The following YWHAE variants were observed in gnomAD, a reference collection of about 807,000 sequenced individuals.
YWHAE encodes 14-3-3 protein epsilon.
Under a neutral mutation model 30.1 loss-of-function variants are expected in YWHAE, and 4 were observed. That is an observed-to-expected ratio of 0.13 (90% confidence interval 0.07 to 0.30). The LOEUF is 0.30. YWHAE is among the 10% of genes least tolerant of loss of function. The probability of loss-of-function intolerance (pLI) is 1.00; values close to 1 mark genes in which losing one functional copy is unlikely to be tolerated. For synonymous variants in YWHAE, 118 were observed against 111.8 expected, an observed-to-expected ratio of 1.06 and a Z score of -0.35; for missense variants, 121 against 315.9, an observed-to-expected ratio of 0.38 and a Z score of 4.68.
At chr17:1,377,168 C>A (rs868496655) in intron 1 of YWHAE, among the ~76,000 whole-genome samples, 1 of 152,046 alleles carries the variant, frequency 6.6e-6, no homozygotes, top group African/African-American at 2.4e-5. Flanking sequence ...CCTGCCTCGG[C>A]CTCCCTAGGT....
At chr17:1,347,394 G>C (rs2072542908) in intron 5 of YWHAE, among the ~76,000 whole-genome samples, 1 of 151,648 alleles carries the variant, frequency 6.6e-6, no homozygotes, top group Admixed American at 6.6e-5. Context: ...CAGCTACTTG[G>C]GGGGCTGAGG....
In YWHAE at chr17:1,394,436, C is replaced by CAAAAAAA. The variant is rs544115909; in HGVS notation, c.64+5604_64+5610dup. Among the ~76,000 whole-genome samples, 164 of 58,530 alleles carry CAAAAAAA rather than the reference C, an allele frequency of 2.8e-3. 4 individuals are homozygous for CAAAAAAA. The highest frequency in any genetic ancestry group is 0.011 in the African/African-American group (123 of 11,322). 38.4% of individuals were successfully genotyped at this position (58,530 alleles called of 152,430 possible). A position where few individuals can be genotyped will look rare whatever the true frequency, so the allele number is the denominator to read the frequency against. ...GGGCAACATAGAGACCTCAAATCCA[C>CAAAAAAA]AAAAAAAAAAAAAAAAAAAAAAAAA... is the stretch of plus-strand genomic sequence containing the variant. On this transcript the variant is annotated intron_variant, in intron 1 of 5. Transcript: ENST00000264335.
intron 1 of YWHAE, among the ~76,000 whole-genome samples, chr17:1,388,658 A>C (rs2073344492): frequency 6.9e-6 from 1 of 145,556 alleles, no homozygotes; most frequent in Admixed American, 7.0e-5. Flanking sequence ...ATGACCTCCC[A>C]CCTTGGCCTC....
intron 1 of YWHAE, among the ~76,000 whole-genome samples, chr17:1,381,891 C>A (rs543617269): frequency 8.4e-6 from 1 of 119,288 alleles, no homozygotes; most frequent in East Asian, 2.4e-4. Context: ...CCAGCCTGCA[C>A]GAGAGAGCGA....
At chr17:1,395,013 T>TA (rs1216294527) in intron 1 of YWHAE, among the ~76,000 whole-genome samples, 1 of 152,146 alleles carries the variant, frequency 6.6e-6, no homozygotes, top group African/African-American at 2.4e-5. Flanking sequence ...ATGCTTGTCA[T>TA]TACTGTTTGT....
In YWHAE at chr17:1,384,857, G is replaced by A. The variant is rs573336457; in HGVS notation, c.64+15190C>T. Among the ~76,000 whole-genome samples the A allele has an allele frequency of 1.9e-4, 29 of 152,136 alleles. No homozygotes were observed. The East Asian group carries it at 4.5e-3, about 23-fold the overall frequency. On this transcript the variant is annotated intron_variant, in intron 1 of 5. Transcript: ENST00000264335. Reference sequence around the variant, plus strand: ...GGAGTAGCTGGGATTAGAGGCATGCGCCACGAAGCCTGGCTAATTTTTTTT... The same window carrying A: ...GGAGTAGCTGGGATTAGAGGCATGCACCACGAAGCCTGGCTAATTTTTTTT...
chr17:1,392,383 T>C (rs1443651151), intron 1 of YWHAE, among the ~76,000 whole-genome samples: 2 of 151,986 alleles, frequency 1.3e-5, no homozygotes, highest in Admixed American at 6.6e-5. Context: ...CTCAAAAAAG[T>C]ATATGTATCT....
At position 1,393,135 on chromosome 17, in the gene YWHAE, AAAATAAATAAATAAAT is replaced by A. The variant is rs147882027; in HGVS notation, c.64+6896_64+6911del. Among the ~76,000 whole-genome samples the A allele has an allele frequency of 6.2e-4, 89 of 144,358 alleles. 1 individual carries two copies. The highest frequency in any genetic ancestry group is 3.5e-3 in the Middle Eastern group (1 of 286). The allele number at this position is 144,358 out of a possible 152,430, so 94.7% of individuals were successfully genotyped here. A position where few individuals can be genotyped will look rare whatever the true frequency, so the allele number is the denominator to read the frequency against. ...ACAGAGCAAGACTCCATCTCTCCAA[AAAATAAATAAATAAAT>A]AAATAAATAAATAAATAAATAAAAT... On this transcript the variant is annotated intron_variant, in intron 1 of 5. Coordinates refer to ENST00000264335, the MANE Select transcript of YWHAE (RefSeq NM_006761.5).
chr17:1,355,270 C>T (rs1353008439), intron 4 of YWHAE, among the ~76,000 whole-genome samples: 2 of 146,786 alleles, frequency 1.4e-5, no homozygotes, highest in Non-Finnish European at 3.0e-5. Flanking sequence ...CATTATCCTG[C>T]CTCAGCCTCC....
chr17:1,352,820 C>A (rs956143778), intron 5 of YWHAE, among the ~76,000 whole-genome samples: 1 of 152,136 alleles, frequency 6.6e-6, no homozygotes, highest in African/African-American at 2.4e-5. Context: ...CCACCGCGCC[C>A]GGCACAGCCT....
intron 4 of YWHAE, among the ~76,000 whole-genome samples, chr17:1,360,889 C>A (rs1459875878): frequency 6.6e-6 from 1 of 152,150 alleles, no homozygotes; most frequent in African/African-American, 2.4e-5. Flanking sequence ...AAATATCCCA[C>A]ATCAAAATAA....
intron 1 of YWHAE, among the ~76,000 whole-genome samples, chr17:1,398,338 C>CCCT (rs1555648148): frequency 7.5e-5 from 7 of 93,912 alleles, no homozygotes; most frequent in Admixed American, 1.3e-4. Context: ...ATCTTATCCC[C>CCCT]CCCCCCAACA....
chr17:1,369,040 ACACT>A (rs760399939), intron 1 of YWHAE, among the ~76,000 whole-genome samples: 1 of 152,214 alleles, frequency 6.6e-6, no homozygotes, highest in Non-Finnish European at 1.5e-5. Context: ...TATATTTGTA[ACACT>A]CAGTGATACT....
Position 1,345,439 on chromosome 17 carries a change from C to T in YWHAE, c.*8G>A, listed in dbSNP as rs1297960186. On this transcript the variant is annotated 3_prime_UTR_variant, in exon 6 of 6. Coordinates refer to ENST00000264335, the MANE Select transcript of YWHAE (RefSeq NM_006761.5). ...GGTCAGAGATGGTTTCTCTTGTTGG[C>T]TTATGTCTCACTGATTTTCGTCTTC... 1.1e-5 allele frequency: 17 copies of T among 1,613,624 alleles called. No homozygotes were observed. The highest frequency in any genetic ancestry group is 1.4e-5 in the Non-Finnish European group (17 of 1,179,828).
At chr17:1,383,432 G>A (rs1019914440) in intron 1 of YWHAE, among the ~76,000 whole-genome samples, 1 of 142,968 alleles carries the variant, frequency 7.0e-6, no homozygotes, top group African/African-American at 2.6e-5. Context: ...CTGTTGCCCC[G>A]GCTGGAGTGC....
At chr17:1,362,899 T>C (rs1296312435) in intron 2 of YWHAE, among the ~76,000 whole-genome samples, 1 of 152,152 alleles carries the variant, frequency 6.6e-6, no homozygotes, top group East Asian at 1.9e-4. Context: ...GCTCCTTGCA[T>C]ACTCAATGAC....
intron 1 of YWHAE, among the ~76,000 whole-genome samples, chr17:1,390,873 G>C (rs1377444263): frequency 1.3e-5 from 2 of 152,094 alleles, no homozygotes; most frequent in Admixed American, 6.5e-5. Context: ...AAAAATTTCA[G>C]AAGAGATAAG....
chr17:1,366,224 T>C (rs555919903), intron 1 of YWHAE, among the ~76,000 whole-genome samples: 2 of 136,340 alleles, frequency 1.5e-5, no homozygotes, highest in East Asian at 4.1e-4. Context: ...AAAAAAAAAA[T>C]AGAATAAATA....
intron 5 of YWHAE, among the ~76,000 whole-genome samples, chr17:1,350,508 T>C (rs2072611274): frequency 6.6e-6 from 1 of 152,000 alleles, no homozygotes; most frequent in Non-Finnish European, 1.5e-5. Flanking sequence ...AATGGAGTGA[T>C]CTTGGCTCAC....
Sources: gnomAD v4.1 joint callset for allele counts (sites outside exome capture counted in the v4.1 genomes callset) on GRCh38, gnomAD v4.1.1 for gene constraint, MANE v1.5 for transcripts, NCBI Gene and HGNC (gene_info 2026-07-23, HGNC 2026-07-21) for gene names.